BDH1: variants seen among roughly 807,000 people sequenced by gnomAD.
The protein encoded by BDH1 is 3-hydroxybutyrate dehydrogenase 1, also known as D-beta-hydroxybutyrate dehydrogenase, mitochondrial.
BDH1 carries 30 observed loss-of-function variants against 33.1 expected under a neutral mutation model. The observed-to-expected ratio is 0.91, with a 90% CI of 0.68 to 1.23. The LOEUF is 1.23. Among genes scored for constraint, BDH1 ranks in the 50% most tolerant of loss-of-function variants. The pLI is 0.00. For missense variants in BDH1, 443 were observed against 464.4 expected (o/e 0.95, Z 0.42); for synonymous variants, 190 against 183.6 (o/e 1.03, Z -0.28).
Position 197,516,964 on chromosome 3 carries a change from G to A in BDH1, c.410-2548C>T, listed in dbSNP as rs1255911096. ...AGAGAGGTTAAGCACCTTGGTCAAT[G>A]TCACCCAGCTAACAGGCAGGGAGGG... On this transcript the variant is annotated intron_variant, in intron 6 of 7. Transcript: ENST00000392379. This position sits in a 1 kb window ranked among gnomAD's most constrained non-coding sequence, Gnocchi z 4.2. 6.6e-6 allele frequency among the ~76,000 whole-genome samples: 1 copy of A among 152,124 alleles called. No individual in the cohort carries two copies. The highest frequency in any genetic ancestry group is 2.4e-5 in the African/African-American group (1 of 41,394).
chr3:197,511,997 G>T lies in BDH1; in HGVS notation c.930C>A (p.Thr310=). 2 of 1,613,568 alleles carry T rather than the reference G, an allele frequency of 1.2e-6. No homozygotes were observed. The highest frequency in any genetic ancestry group is 1.7e-6 in the Non-Finnish European group (2 of 1,179,700). Residue 310 remains threonine, a synonymous_variant, in exon 8 of 8, where the codon ACC becomes ACA. Transcript: ENST00000392379. ...DAVTHALTAT[T]PYTRYHPMDY... is the part of the protein sequence containing the mutation. ...CCATGGGGTGGTAGCGGGTGTAGGGGGTGGTGGCGGTCAGGGCGTGTGTGA... is the reference window on the plus strand; with the variant it reads ...CCATGGGGTGGTAGCGGGTGTAGGGTGTGGTGGCGGTCAGGGCGTGTGTGA...
In BDH1 at chr3:197,515,639, A is replaced by C. The variant is rs554002282; in HGVS notation, c.410-1223T>G. 5.1e-5 allele frequency: 50 copies of C among 985,534 alleles called. No homozygotes were observed. In the African/African-American group the frequency reaches 7.8e-4, roughly 15 times the overall value. The allele number at this position is 985,534 out of a possible 1,614,324, so 61.0% of individuals were successfully genotyped here. ...GAGCTCAACAAATGTGTGTTAGATG[A>C]ATGAGTGTCCACAAATACCGCATTT... On this transcript the variant is annotated intron_variant, in intron 6 of 7. Coordinates refer to ENST00000392379, the MANE Select transcript of BDH1 (RefSeq NM_203314.3).
chr3:197,527,903 T>C (rs1489617582), intron 5 of BDH1, among the ~76,000 whole-genome samples: 2 of 152,154 alleles, frequency 1.3e-5, no homozygotes, highest in Non-Finnish European at 2.9e-5. Context: ...GGTGTGATCT[T>C]TCCTCCCTCT....
chr3:197,512,564 G>A (rs1207740976), intron 7 of BDH1, among the ~76,000 whole-genome samples, 200 bp from the exon 8 acceptor site: 3 of 152,250 alleles, frequency 2.0e-5, no homozygotes, highest in African/African-American at 7.2e-5. Context: ...GGCTGTGCCA[G>A]GCAGGACAGG....
intron 3 of BDH1, among the ~76,000 whole-genome samples, chr3:197,536,735 C>T (rs181020112): frequency 3.4e-4 from 51 of 151,926 alleles, no homozygotes; most frequent in African/African-American, 4.8e-5. Flanking sequence ...CCCAGCTCCT[C>T]GGGAGGCTGA....
intron 6 of BDH1, chr3:197,515,464 CAGG>C: frequency 3.0e-6 from 3 of 985,752 alleles, no homozygotes; most frequent in Non-Finnish European, 3.6e-6. Flanking sequence ...CTTCTCTTCC[CAGG>C]AGGAGCAGCA....
intron 6 of BDH1, among the ~76,000 whole-genome samples, chr3:197,519,499 A>T (rs1018375720): frequency 6.5e-5 from 9 of 139,518 alleles, no homozygotes; most frequent in African/African-American, 2.3e-4. Flanking sequence ...CTTCTTTACT[A>T]AAAAAAAAAA....
intron 7 of BDH1, among the ~76,000 whole-genome samples, chr3:197,512,884 G>A (rs1447311536): frequency 1.3e-5 from 2 of 152,182 alleles, no homozygotes; most frequent in Non-Finnish European, 2.9e-5. Context: ...CAGCCCTGGC[G>A]ATGGGGGTTG....
intron 1 of BDH1, among the ~76,000 whole-genome samples, chr3:197,566,869 G>A (rs1452054649): frequency 2.0e-5 from 3 of 151,924 alleles, no homozygotes; most frequent in Non-Finnish European, 4.4e-5. Context: ...CTAATTTGGA[G>A]TCACTGAAAA....
upstream of BDH1, among the ~76,000 whole-genome samples, chr3:197,558,804 G>A (rs1202067808): frequency 2.0e-5 from 3 of 152,268 alleles, no homozygotes; most frequent in Admixed American, 6.5e-5. Context: ...TGGAAGCCTT[G>A]AAGCTGTTTT....
In BDH1 at chr3:197,563,302, T is replaced by G. The variant is rs4507277; in HGVS notation, c.-44+9879A>C. Among the ~76,000 whole-genome samples the G allele has an allele frequency of 8.5e-5, 13 of 152,332 alleles. No homozygotes were observed. The East Asian group carries it at 2.5e-3, about 29-fold the overall frequency. On this transcript the variant is annotated intron_variant, in intron 1 of 6. Transcript: ENST00000358186. Reference sequence around the variant, plus strand: ...CTGACTTTTATGTGAGTTGTTTCCTTTAATATGCAAATTTAAGACTATTAG... The same window carrying G: ...CTGACTTTTATGTGAGTTGTTTCCTGTAATATGCAAATTTAAGACTATTAG...
chr3:197,565,985 A>C (rs1452946904), intron 1 of BDH1, among the ~76,000 whole-genome samples: 1 of 152,234 alleles, frequency 6.6e-6, no homozygotes, highest in African/African-American at 2.4e-5. Flanking sequence ...TTTTTGCTTA[A>C]AATGTTGCTG....
In BDH1 at chr3:197,521,320, T is replaced by G. The variant is rs1713526098; in HGVS notation, c.409+1320A>C. Among the ~76,000 whole-genome samples the G allele has an allele frequency of 6.6e-6, 1 of 152,174 alleles. No homozygotes were observed. Among genetic ancestry groups the G allele is most frequent in the African/African-American group, 2.4e-5 (1 of 41,434 alleles). On this transcript the variant is annotated intron_variant, in intron 6 of 7. Transcript: ENST00000392379. This position sits in a 1 kb window ranked among gnomAD's most constrained non-coding sequence, Gnocchi z 4.9. ...TTCTACATGAATGGCACCCCGAGGTTGCAGACAGAGCTCCTCCCACAAGGC... is the reference window on the plus strand; with the variant it reads ...TTCTACATGAATGGCACCCCGAGGTGGCAGACAGAGCTCCTCCCACAAGGC...
In BDH1 at chr3:197,521,563, C is replaced by T. The variant is rs1260847344; in HGVS notation, c.409+1077G>A. Among the ~76,000 whole-genome samples the T allele has an allele frequency of 1.3e-5, 2 of 152,128 alleles. No individual in the cohort carries two copies. The highest frequency in any genetic ancestry group is 2.9e-5 in the Non-Finnish European group (2 of 68,018). On this transcript the variant is annotated intron_variant, in intron 6 of 7. Coordinates refer to ENST00000392379, the MANE Select transcript of BDH1 (RefSeq NM_203314.3). This position sits in a 1 kb window ranked among gnomAD's most constrained non-coding sequence, Gnocchi z 4.9. ...GGGGTCCCTCTGTGCATCTCCCCGA[C>T]TCCCAGTGTCACCTGCCGTGGGCAC...
Position 197,528,651 on chromosome 3 carries a change from A to G in BDH1, c.267+3761T>C, listed in dbSNP as rs13058936. 0.21 allele frequency: 32,366 copies of G among 152,174 alleles called. 3,729 individuals carry two copies. Among genetic ancestry groups the G allele is most frequent in the African/African-American group, 0.29 (12,210 of 41,484 alleles). 9.4% of individuals were successfully genotyped at this position (152,174 alleles called of 1,614,324 possible). A position where few individuals can be genotyped will look rare whatever the true frequency, so the allele number is the denominator to read the frequency against. On this transcript the variant is annotated intron_variant, in intron 5 of 7. Transcript: ENST00000392379. The surrounding 1 kb of genome is among the most constrained non-coding windows in gnomAD (Gnocchi z 5.1). ...CAGATAGCAGATGGAATGGGTCAAGAGGTAGATACCAACAGATATAACCTG... is the reference window on the plus strand; with the variant it reads ...CAGATAGCAGATGGAATGGGTCAAGGGGTAGATACCAACAGATATAACCTG...
intron 3 of BDH1, chr3:197,538,628 A>G (rs1294948471): frequency 2.4e-5 from 6 of 253,616 alleles, no homozygotes; most frequent in Non-Finnish European, 4.0e-5. Context: ...CTGGGATCAC[A>G]GGCATGAGCC....
At chr3:197,551,206 C>T (rs1716542438) in intron 2 of BDH1, among the ~76,000 whole-genome samples, 2 of 152,148 alleles carry the variant, frequency 1.3e-5, no homozygotes, top group South Asian at 4.1e-4. Context: ...CCATCTTCTC[C>T]CCACTGCACA....
intron 3 of BDH1, among the ~76,000 whole-genome samples, chr3:197,540,246 G>C (rs1023673315): frequency 6.6e-6 from 1 of 151,808 alleles, no homozygotes; most frequent in African/African-American, 2.4e-5. Context: ...TAGAGATGAG[G>C]TTTCACCATG....
rs373256517 is a variant in BDH1, at chr3:197,514,306, G to A, written c.520C>T (p.Arg174Trp). The stretch of plus-strand genomic sequence containing the variant: ...AGGGGGAGAAAGGATTTCGTCATCC[G>A]CACTGTGCCCCAAAGGTTCACTTCT... ...VAEVNLWGTVRMTKSFLPLIR... is the reference protein window; with the variant it reads ...VAEVNLWGTVWMTKSFLPLIR... The change falls in exon 7 of 8, where the codon CGG becomes TGG. Residue 174 changes from arginine to tryptophan, a missense_variant. Transcript: ENST00000392379. This position sits in a 1 kb window ranked among gnomAD's most constrained non-coding sequence, Gnocchi z 4.2. 1.9e-5 allele frequency: 31 copies of A among 1,613,648 alleles called. No homozygotes were observed. The highest frequency in any genetic ancestry group is 2.2e-5 in the Non-Finnish European group (26 of 1,179,830).
Sources: gnomAD v4.1 joint callset for allele counts (sites outside exome capture counted in the v4.1 genomes callset) on GRCh38, gnomAD v4.1.1 for gene constraint, Gnocchi (gnomAD v3.1) non-coding constraint, MANE v1.5 for transcripts, NCBI Gene and HGNC (gene_info 2026-07-23, HGNC 2026-07-21) for gene names.